DLGAP2: variants seen among roughly 807,000 people sequenced by gnomAD.
DLGAP2 encodes DLG associated protein 2, also known as disks large-associated protein 2.
DLGAP2 carries 26 observed loss-of-function variants against 100.3 expected under a neutral mutation model. The ratio of observed to expected loss-of-function variants is 0.26; its 90% CI spans 0.19 to 0.36. DLGAP2 has a LOEUF of 0.36. DLGAP2 is among the 10% of genes least tolerant of loss of function. The pLI is 1.00. For synonymous variants in DLGAP2, 886 were observed against 630.1 expected (o/e 1.41, Z -6.08); for missense variants, 1,858 against 1,453.2 (o/e 1.28, Z -4.53).
chr8:1,465,308 T>C (rs1351253756), intron 3 of DLGAP2, among the ~76,000 whole-genome samples: 1 of 151,146 alleles, frequency 6.6e-6, no homozygotes, highest in Admixed American at 6.6e-5. Flanking sequence ...TTATAAAGGA[T>C]ACAGATGAAG....
intron 2 of DLGAP2, among the ~76,000 whole-genome samples, chr8:1,111,172 G>A (rs964745822): frequency 1.3e-5 from 2 of 152,180 alleles, no homozygotes; most frequent in Non-Finnish European, 2.9e-5. Flanking sequence ...CCAAGCTACA[G>A]AAAATAAATT....
intron 3 of DLGAP2, among the ~76,000 whole-genome samples, chr8:1,464,909 C>G (rs974380129): frequency 6.8e-6 from 1 of 146,614 alleles, no homozygotes; most frequent in African/African-American, 2.5e-5. Context: ...AAAGTAGTAT[C>G]TGAGTAGAGA....
At chr8:1,341,725 C>G (rs767829856) in intron 3 of DLGAP2, among the ~76,000 whole-genome samples, 17 of 152,188 alleles carry the variant, frequency 1.1e-4, no homozygotes, top group Non-Finnish European at 2.2e-4. Context: ...ACTGCCCGCC[C>G]TTTTGGGCAC....
chr8:1,535,474 C>T (rs978911993), intron 4 of DLGAP2, among the ~76,000 whole-genome samples: 2 of 152,194 alleles, frequency 1.3e-5, no homozygotes, highest in Non-Finnish European at 2.9e-5. Flanking sequence ...TGTGTCGACA[C>T]ACATGTTGTT....
chr8:1,004,145 C>T (rs1446624328), intron 2 of DLGAP2, among the ~76,000 whole-genome samples: 2 of 152,132 alleles, frequency 1.3e-5, no homozygotes, highest in South Asian at 2.1e-4. Flanking sequence ...TTTTTCCATA[C>T]AAATTAAAAT....
intron 3 of DLGAP2, chr8:1,302,578 T>C (rs922489829): frequency 3.9e-5 from 6 of 152,350 alleles, no homozygotes; most frequent in Admixed American, 1.3e-4. Flanking sequence ...CGAGCTCTGC[T>C]CCATACCTGG....
At chr8:1,464,181 C>G (rs562665344) in intron 3 of DLGAP2, among the ~76,000 whole-genome samples, 19 of 111,232 alleles carry the variant, frequency 1.7e-4, no homozygotes, top group African/African-American at 6.0e-4. Flanking sequence ...CAGCACCCGT[C>G]CAGGACAGCT....
At chr8:1,099,598 G>A (rs1181708085) in intron 2 of DLGAP2, among the ~76,000 whole-genome samples, 1 of 152,200 alleles carries the variant, frequency 6.6e-6, no homozygotes, top group East Asian at 1.9e-4. Flanking sequence ...AAAGTGTTCG[G>A]ATGTGTTTCT....
chr8:1,581,641 A>G lies in DLGAP2; in HGVS notation c.1442+15747A>G, dbSNP rs1803265934. Among the ~76,000 whole-genome samples the G allele has an allele frequency of 2.0e-5, 3 of 151,934 alleles. No homozygotes were observed. In the South Asian group the frequency reaches 6.2e-4, roughly 32 times the overall value. Reference sequence around the variant, plus strand: ...GAAGGATACAGACAAAACACCACACACATCTACACACCACAGTCAACCAGA... The same window carrying G: ...GAAGGATACAGACAAAACACCACACGCATCTACACACCACAGTCAACCAGA... On this transcript the variant is annotated intron_variant, in intron 6 of 14. Coordinates refer to ENST00000637795, the MANE Select transcript of DLGAP2 (RefSeq NM_001346810.2).
At position 828,326 on chromosome 8, in the gene DLGAP2, G is replaced by T. The variant is rs954882565; in HGVS notation, c.19-79586G>T. ...GACCATAAGAGACAGGTACGCCCCGGGGGGGCCAGTTCAGAGACCTACCCC... is the reference window on the plus strand; with the variant it reads ...GACCATAAGAGACAGGTACGCCCCGTGGGGGCCAGTTCAGAGACCTACCCC... On this transcript the variant is annotated intron_variant, in intron 1 of 14. Coordinates refer to ENST00000637795, the MANE Select transcript of DLGAP2 (RefSeq NM_001346810.2). 1.2e-3 allele frequency among the ~76,000 whole-genome samples: 182 copies of T among 152,236 alleles called. 1 individual carries two copies. Among genetic ancestry groups the T allele is most frequent in the Non-Finnish European group, 1.1e-3 (73 of 68,010 alleles).
At chr8:1,244,604 C>T (rs1482399808) in intron 2 of DLGAP2, among the ~76,000 whole-genome samples, 1 of 35,528 alleles carries the variant, frequency 2.8e-5, no homozygotes, top group African/African-American at 1.4e-4. Context: ...GCAGACACCC[C>T]AAATCCAGCC....
At chr8:1,131,153 C>CG (rs1251028865) in intron 2 of DLGAP2, among the ~76,000 whole-genome samples, 1 of 152,164 alleles carries the variant, frequency 6.6e-6, no homozygotes, top group Admixed American at 6.5e-5. Context: ...TACCTTCACA[C>CG]GGTTCTCTGG....
rs995666533 is a variant in DLGAP2, at chr8:1,706,693, TGAG to T, written c.*5291_*5293del. 5 of 151,992 alleles carry T rather than the reference TGAG, an allele frequency of 3.3e-5. No individual in the cohort carries two copies. The highest frequency in any genetic ancestry group is 5.9e-5 in the Non-Finnish European group (4 of 68,010). 9.4% of individuals were successfully genotyped at this position (151,992 alleles called of 1,614,324 possible). On this transcript the variant is annotated 3_prime_UTR_variant, in exon 15 of 15. Coordinates refer to ENST00000637795, the MANE Select transcript of DLGAP2 (RefSeq NM_001346810.2). Reference sequence around the variant, plus strand: ...AAGCTCAATCGCCTCTTAGATGAAATGAGGAGATAAACTAAACATTAAAATGAT... The same window carrying T: ...AAGCTCAATCGCCTCTTAGATGAAATGAGATAAACTAAACATTAAAATGAT...
chr8:1,124,143 T>G (rs929500713), intron 2 of DLGAP2, among the ~76,000 whole-genome samples: 2 of 152,238 alleles, frequency 1.3e-5, no homozygotes, highest in Admixed American at 1.3e-4. Flanking sequence ...CAGGTGCTAA[T>G]CTAAATGCTG....
intron 4 of DLGAP2, among the ~76,000 whole-genome samples, chr8:1,513,076 C>T (rs1800229715): frequency 6.6e-6 from 1 of 151,292 alleles, no homozygotes; most frequent in African/African-American, 2.4e-5. Context: ...GGATAAGCAT[C>T]TGCCTTTCCC....
At chr8:1,152,223 T>A (rs1796709386) in intron 2 of DLGAP2, among the ~76,000 whole-genome samples, 1 of 152,268 alleles carries the variant, frequency 6.6e-6, no homozygotes, top group Admixed American at 6.5e-5. Context: ...ATTCTTTATA[T>A]ATTGTTGATA....
Position 1,244,379 on chromosome 8 carries a change from A to G in DLGAP2, c.74-14472A>G, listed in dbSNP as rs559254968. ...AGCACATGTGTTAAACGCTGTATGAACATAGGGATATGAGCTCCTGAGGAG... is the reference window on the plus strand; with the variant it reads ...AGCACATGTGTTAAACGCTGTATGAGCATAGGGATATGAGCTCCTGAGGAG... On this transcript the variant is annotated intron_variant, in intron 2 of 14. Transcript: ENST00000637795. Among the ~76,000 whole-genome samples the G allele has an allele frequency of 3.9e-5, 6 of 152,366 alleles. No homozygotes were observed. In the South Asian group the frequency reaches 1.0e-3, roughly 26 times the overall value.
chr8:1,682,181 TGGTCCACA>T (rs1454071974), intron 12 of DLGAP2, among the ~76,000 whole-genome samples: 1 of 152,216 alleles, frequency 6.6e-6, no homozygotes, highest in Non-Finnish European at 1.5e-5. Context: ...GACCCACGTG[TGGTCCACA>T]GAGTCCCTCA....
rs1272205217 is a variant in DLGAP2 at position 1,702,162 on chromosome 8, T to TA, written c.*757dup. ...AAGTCACGCGCAGAGAGGAGAGTCT[T>TA]ACGGAGGGCTGGGAGCTTAAAAGGA... On this transcript the variant is annotated 3_prime_UTR_variant, in exon 15 of 15. Coordinates refer to ENST00000637795, the MANE Select transcript of DLGAP2 (RefSeq NM_001346810.2). The TA allele has an allele frequency of 1.3e-5, 2 of 152,208 alleles. No individual in the cohort carries two copies. Among genetic ancestry groups the TA allele is most frequent in the African/African-American group, 4.8e-5 (2 of 41,444 alleles). 9.4% of individuals were successfully genotyped at this position (152,208 alleles called of 1,614,324 possible). A position where few individuals can be genotyped will look rare whatever the true frequency, so the allele number is the denominator to read the frequency against.
Sources: allele counts gnomAD v4.1 joint callset (sites outside exome capture counted in the v4.1 genomes callset), GRCh38; gene constraint gnomAD v4.1.1; transcripts MANE v1.5; gene names NCBI Gene and HGNC (gene_info 2026-07-23, HGNC 2026-07-21).